HCN1: variants seen among roughly 807,000 people sequenced by gnomAD.
The protein encoded by HCN1 is potassium/sodium hyperpolarization-activated cyclic nucleotide-gated channel 1.
Under a neutral mutation model 78.9 loss-of-function variants are expected in HCN1, and 13 were observed. The ratio of observed to expected loss-of-function variants is 0.16; its 90% CI spans 0.11 to 0.26. HCN1 has a LOEUF of 0.26. Among genes scored for constraint, HCN1 ranks in the 10% least tolerant of loss-of-function variants. HCN1 has a pLI of 1.00. For synonymous variants in HCN1, 552 were observed against 455.5 expected, an observed-to-expected ratio of 1.21 and a Z score of -2.70; for missense variants, 810 against 1,154.3, an observed-to-expected ratio of 0.70 and a Z score of 4.32.
At chr5:45,301,356 T>C (rs921333752) in intron 6 of HCN1, among the ~76,000 whole-genome samples, 6 of 134,772 alleles carry the variant, frequency 4.5e-5, no homozygotes, top group African/African-American at 1.4e-4. Flanking sequence ...TAATAAAATA[T>C]AATAAATTAT....
intron 5 of HCN1, among the ~76,000 whole-genome samples, chr5:45,317,950 C>G (rs971499560): frequency 2.0e-5 from 3 of 152,072 alleles, no homozygotes; most frequent in Non-Finnish European, 4.4e-5. Context: ...AATAGGAACA[C>G]TTTTACACTG....
chr5:45,688,206 T>C (rs1192245888), intron 1 of HCN1, among the ~76,000 whole-genome samples: 1 of 152,166 alleles, frequency 6.6e-6, no homozygotes, highest in Non-Finnish European at 1.5e-5. Flanking sequence ...AGGGAGGAAG[T>C]ATAAATGATT....
Position 45,384,546 on chromosome 5 carries a change from A to T in HCN1, c.1230+11946T>A, listed in dbSNP as rs575763378. On this transcript the variant is annotated intron_variant, in intron 4 of 7. Coordinates refer to ENST00000303230, the MANE Select transcript of HCN1 (RefSeq NM_021072.4). ...TATTGCTCACTTAACATTCTTGTTT[A>T]CTAAACACAGGTGATCAAACAGGGA... Among the ~76,000 whole-genome samples the T allele has an allele frequency of 6.6e-5, 10 of 152,294 alleles. No individual in the cohort carries two copies. In the South Asian group the frequency reaches 2.1e-3, roughly 32 times the overall value.
At chr5:45,686,527 C>G (rs1296383092) in intron 1 of HCN1, among the ~76,000 whole-genome samples, 2 of 152,164 alleles carry the variant, frequency 1.3e-5, no homozygotes, top group African/African-American at 4.8e-5. Flanking sequence ...TTATTTAAAA[C>G]AGTCAACTTG....
intron 2 of HCN1, among the ~76,000 whole-genome samples, chr5:45,596,603 A>G (rs1409930817): frequency 6.6e-6 from 1 of 152,192 alleles, no homozygotes; most frequent in African/African-American, 2.4e-5. Flanking sequence ...TAGAACATGG[A>G]TTGTCTAGGT....
intron 1 of HCN1, among the ~76,000 whole-genome samples, chr5:45,686,613 AG>A (rs149419341): frequency 0.027 from 4,051 of 152,256 alleles, 71 homozygotes; most frequent in Non-Finnish European, 0.037. Flanking sequence ...TCCCTTTTTT[AG>A]ACACCTTTAG....
chr5:45,310,688 T>C (rs746565173), intron 5 of HCN1, among the ~76,000 whole-genome samples: 1 of 152,112 alleles, frequency 6.6e-6, no homozygotes, highest in African/African-American at 2.4e-5. Context: ...GGAATATAAA[T>C]TGTTCTATTA....
intron 2 of HCN1, among the ~76,000 whole-genome samples, chr5:45,583,235 C>T (rs1744125066): frequency 6.6e-6 from 1 of 152,142 alleles, no homozygotes; most frequent in Non-Finnish European, 1.5e-5. Context: ...GATTCAACTT[C>T]TTACTGGTTT....
chr5:45,379,494 G>A (rs1233769516), intron 4 of HCN1, among the ~76,000 whole-genome samples: 1 of 151,988 alleles, frequency 6.6e-6, no homozygotes, highest in Non-Finnish European at 1.5e-5. Flanking sequence ...AACACAAATA[G>A]CCTGGGTAAT....
At chr5:45,478,151 CA>C (rs200761035) in intron 2 of HCN1, among the ~76,000 whole-genome samples, 13 of 147,048 alleles carry the variant, frequency 8.8e-5, no homozygotes, top group Admixed American at 3.4e-4. Flanking sequence ...GACACTCTGT[CA>C]AAAAAAAAAT....
intron 2 of HCN1, among the ~76,000 whole-genome samples, chr5:45,566,094 G>A (rs947128408): frequency 6.6e-6 from 1 of 152,088 alleles, no homozygotes; most frequent in African/African-American, 2.4e-5. Context: ...CTCTCCAACA[G>A]ATGACAGAAT....
chr5:45,580,067 G>C (rs187993791), intron 2 of HCN1, among the ~76,000 whole-genome samples: 1 of 152,064 alleles, frequency 6.6e-6, no homozygotes, highest in Non-Finnish European at 1.5e-5. Context: ...GACCTTCAAG[G>C]ATTCAGCCTA....
At chr5:45,330,453 T>A (rs1438088960) in intron 5 of HCN1, among the ~76,000 whole-genome samples, 1 of 150,662 alleles carries the variant, frequency 6.6e-6, no homozygotes, top group Non-Finnish European at 1.5e-5. Context: ...CATATATACA[T>A]ATATATATAA....
chr5:45,560,719 A>G (rs1032851846), intron 2 of HCN1, among the ~76,000 whole-genome samples: 2 of 152,096 alleles, frequency 1.3e-5, no homozygotes, highest in African/African-American at 2.4e-5. Flanking sequence ...AATTATTTGT[A>G]TATATTCACA....
chr5:45,643,954 T>G (rs1745501130), intron 2 of HCN1: 1 of 152,184 alleles, frequency 6.6e-6, no homozygotes, highest in African/African-American at 2.4e-5. Context: ...TCAAATGTGC[T>G]TCATTTGATT....
intron 2 of HCN1, among the ~76,000 whole-genome samples, chr5:45,523,297 T>G (rs554754164): frequency 6.6e-6 from 1 of 152,288 alleles, no homozygotes; most frequent in African/African-American, 2.4e-5. Context: ...TTTGCTATTG[T>G]GAATAGTGCC....
At chr5:45,484,546 C>T (rs1471957870) in intron 2 of HCN1, among the ~76,000 whole-genome samples, 1 of 152,144 alleles carries the variant, frequency 6.6e-6, no homozygotes, top group Non-Finnish European at 1.5e-5. Flanking sequence ...CCCCTCTCTT[C>T]CTTTTAAAAT....
At chr5:45,663,481 T>C (rs1426437290) in intron 1 of HCN1, among the ~76,000 whole-genome samples, 1 of 90,578 alleles carries the variant, frequency 1.1e-5, no homozygotes, top group African/African-American at 4.5e-5. Flanking sequence ...CTAAAGAGCT[T>C]CTGCACAGCA....
At chr5:45,477,048 A>G (rs1373020977) in intron 2 of HCN1, among the ~76,000 whole-genome samples, 2 of 152,138 alleles carry the variant, frequency 1.3e-5, no homozygotes, top group Non-Finnish European at 2.9e-5. Flanking sequence ...GAGTTGTTAC[A>G]ATTACATCAG....
Sources: allele counts gnomAD v4.1 joint callset (sites outside exome capture counted in the v4.1 genomes callset), GRCh38; gene constraint gnomAD v4.1.1; transcripts MANE v1.5; gene names NCBI Gene and HGNC (gene_info 2026-07-23, HGNC 2026-07-21).